Variants in PHF14 observed in about 807,000 individuals in gnomAD.
PHF14 encodes the protein PHD finger protein 14.
Under a neutral mutation model 117.9 loss-of-function variants are expected in PHF14, and 55 were observed. The ratio of observed to expected loss-of-function variants is 0.47; its 90% confidence interval spans 0.38 to 0.58. The LOEUF is 0.58. Ranked by LOEUF, PHF14 falls within the 20% of genes least tolerant of loss-of-function variation. The pLI is 0.00. For synonymous variants in PHF14, 409 were observed against 368.6 expected (o/e 1.11, Z -1.26); for missense variants, 978 against 1,122.2 (o/e 0.87, Z 1.84).
chr7:11,144,029 A>T (rs1461166603), intron 17 of PHF14, among the ~76,000 whole-genome samples: 1 of 152,104 alleles, frequency 6.6e-6, no homozygotes, highest in African/African-American at 2.4e-5. Flanking sequence ...CTCAACAGCA[A>T]AAAAACCCCA....
chr7:10,982,926 G>A lies in PHF14; in HGVS notation c.667G>A (p.Gly223Arg). The change falls in exon 3 of 18, where the codon GGG becomes AGG. Residue 223 changes from glycine to arginine, a missense_variant. Transcript: ENST00000634607. Reference protein sequence around the residue: ...DWRPTVVKRKGRSASQKEGSD... With the variant: ...DWRPTVVKRKRRSASQKEGSD... ...GCGACCTACTGTAGTAAAGAGAAAA[G>A]GGAGATCTGCGTCTCAGAAAGAGGG... The A allele has an allele frequency of 6.2e-7, 1 of 1,610,704 alleles. No individual in the cohort carries two copies. Among genetic ancestry groups the A allele is most frequent in the Non-Finnish European group, 8.5e-7 (1 of 1,178,092 alleles).
chr7:11,060,686 A>T (rs1254882335), intron 14 of PHF14, among the ~76,000 whole-genome samples: 1 of 152,208 alleles, frequency 6.6e-6, no homozygotes, highest in Non-Finnish European at 1.5e-5. Flanking sequence ...AGAATTGTAG[A>T]TGCAGGATCT....
intron 4 of PHF14, among the ~76,000 whole-genome samples, chr7:11,000,423 T>G (rs1782824793): frequency 7.1e-6 from 1 of 141,584 alleles, no homozygotes; most frequent in Admixed American, 7.6e-5. Context: ...CACTGCAACC[T>G]CTGTCTCCCA....
chr7:11,035,735 T>C lies in PHF14; in HGVS notation c.1551T>C (p.Tyr517=), dbSNP rs1284912825. Residue 517 remains tyrosine (Y), a synonymous_variant, in exon 8 of 18, where the codon TAT becomes TAC. Coordinates refer to ENST00000634607, the MANE Select transcript of PHF14 (RefSeq NM_001007157.2). ...AAAACTACTTGGCTCTACAGTCCTA[T>C]TGTAAAATGTCTTTGCAAGAGAGAG... ...KRKNYLALQS[Y]CKMSLQEREK... 5 of 1,611,112 alleles carry C rather than the reference T, an allele frequency of 3.1e-6. No homozygotes were observed. Among genetic ancestry groups the C allele is most frequent in the African/African-American group, 1.3e-5 (1 of 74,954 alleles).
Position 11,132,253 on chromosome 7 carries a change from A to G in PHF14, c.2772+20786A>G, listed in dbSNP as rs894018705. Among the ~76,000 whole-genome samples the G allele has an allele frequency of 1.7e-4, 25 of 148,370 alleles. 1 individual carries two copies. The highest frequency in any genetic ancestry group is 3.4e-4 in the Admixed American group (5 of 14,842). ...TACATCCTCTGACCTCTACTTGCCC[A>G]TTTTCTTCCCACTGATAACCAGGGT... On this transcript the variant is annotated intron_variant, in intron 17 of 17. Transcript: ENST00000634607.
At chr7:10,996,734 C>G (rs1002350324) in intron 4 of PHF14, among the ~76,000 whole-genome samples, 1 of 152,206 alleles carries the variant, frequency 6.6e-6, no homozygotes, top group East Asian at 1.9e-4. Context: ...GACCACACTA[C>G]CTAAATAAAT....
chr7:11,039,984 A>G (rs914363599), intron 11 of PHF14, among the ~76,000 whole-genome samples: 2 of 152,182 alleles, frequency 1.3e-5, no homozygotes, highest in African/African-American at 4.8e-5. Context: ...TCTCATAAGA[A>G]TCTCCTGTTT....
At chr7:11,143,816 C>G (rs1788466149) in intron 17 of PHF14, among the ~76,000 whole-genome samples, 2 of 151,926 alleles carry the variant, frequency 1.3e-5, no homozygotes, top group African/African-American at 2.4e-5. Context: ...GACATGAAAA[C>G]TGGAAGAAAA....
intron 4 of PHF14, among the ~76,000 whole-genome samples, chr7:11,005,983 G>T (rs1419717519): frequency 6.6e-6 from 1 of 151,716 alleles, no homozygotes; most frequent in African/African-American, 2.4e-5. Flanking sequence ...GAGTAGAGAC[G>T]GGGTTTCACC....
chr7:11,144,735 A>C (rs570749432), intron 17 of PHF14, among the ~76,000 whole-genome samples: 1 of 151,902 alleles, frequency 6.6e-6, no homozygotes, highest in South Asian at 2.1e-4. Context: ...TTCGTAACAC[A>C]AATGATAAAT....
chr7:11,133,068 T>C (rs1788129435), intron 17 of PHF14, among the ~76,000 whole-genome samples: 1 of 151,860 alleles, frequency 6.6e-6, no homozygotes, highest in South Asian at 2.1e-4. Context: ...ACTAAATAAA[T>C]AGAAAGCTAT....
intron 16 of PHF14, among the ~76,000 whole-genome samples, chr7:11,077,408 C>G (rs1785904834): frequency 6.6e-6 from 1 of 151,662 alleles, no homozygotes; most frequent in South Asian, 2.1e-4. Context: ...GAAGACCATC[C>G]TGGCCAACGT....
At chr7:11,029,065 T>G (rs1313614481) in intron 7 of PHF14, among the ~76,000 whole-genome samples, 1 of 152,130 alleles carries the variant, frequency 6.6e-6, no homozygotes, top group African/African-American at 2.4e-5. Context: ...ATAATCCAAG[T>G]TGTCTTAAAG....
At chr7:11,149,377 G>T (rs2128353497) in intron 17 of PHF14, among the ~76,000 whole-genome samples, 1 of 152,142 alleles carries the variant, frequency 6.6e-6, no homozygotes, top group South Asian at 2.1e-4. Flanking sequence ...CTACCAATTG[G>T]CTATGGGACC....
At position 11,051,601 on chromosome 7, in the gene PHF14, C is replaced by T; in HGVS notation, c.2313-11C>T. On this transcript the variant is annotated splice_polypyrimidine_tract_variant and intron_variant, in intron 13 of 17. Transcript: ENST00000634607. ...ATAAATGCATGACTTAAATTTTTCC[C>T]CTTTATGTAGGCAGTGCTCGGAATG... 3 of 1,597,826 alleles carry T rather than the reference C, an allele frequency of 1.9e-6. No homozygotes were observed. The highest frequency in any genetic ancestry group is 2.6e-6 in the Non-Finnish European group (3 of 1,172,544).
intron 4 of PHF14, among the ~76,000 whole-genome samples, chr7:10,994,322 C>T (rs562273052): frequency 2.0e-5 from 3 of 152,094 alleles, no homozygotes; most frequent in African/African-American, 7.2e-5. Context: ...GCCTGTAGTC[C>T]TAGTTACTCA....
At chr7:11,052,117 G>C (rs931424080) in intron 14 of PHF14, among the ~76,000 whole-genome samples, 1 of 152,000 alleles carries the variant, frequency 6.6e-6, no homozygotes, top group African/African-American at 2.4e-5. Flanking sequence ...TCTTTACTCA[G>C]CTTTACTTTT....
intron 14 of PHF14, among the ~76,000 whole-genome samples, chr7:11,055,650 C>T (rs1206763255): frequency 1.3e-5 from 2 of 152,114 alleles, no homozygotes; most frequent in Non-Finnish European, 2.9e-5. Flanking sequence ...TTCCATCGCA[C>T]TTAACAATGT....
chr7:11,016,915 C>T (rs150446815), intron 5 of PHF14, among the ~76,000 whole-genome samples: 41 of 152,220 alleles, frequency 2.7e-4, no homozygotes, highest in African/African-American at 8.9e-4. Flanking sequence ...TCCTTCCCAA[C>T]GTCTAGTAAC....
Sources: gnomAD v4.1 joint callset for allele counts (sites outside exome capture counted in the v4.1 genomes callset) on GRCh38, gnomAD v4.1.1 for gene constraint, MANE v1.5 for transcripts, NCBI Gene and HGNC (gene_info 2026-07-23, HGNC 2026-07-21) for gene names.